CRISP1: variants seen among roughly 807,000 people sequenced by gnomAD.
CRISP1 encodes the protein cysteine-rich secretory protein 1.
CRISP1 carries 44 observed loss-of-function variants against 33.1 expected under a neutral mutation model. The observed-to-expected ratio is 1.33, with a 90% CI of 1.05 to 1.71. The LOEUF (loss-of-function observed/expected upper bound fraction) is 1.71. Among genes scored for constraint, CRISP1 ranks in the 40% most tolerant of loss-of-function variants. CRISP1 has a pLI of 0.00. For missense variants in CRISP1, 390 were observed against 301.2 expected, an observed-to-expected ratio of 1.29 and a Z score of -2.18; for synonymous variants, 103 against 98.7, an observed-to-expected ratio of 1.04 and a Z score of -0.26.
chr6:49,857,290 AT>A, intron 2 of CRISP1, 44 bp downstream of exon 2: 1 of 1,572,452 alleles, frequency 6.4e-7, no homozygotes, highest in Non-Finnish European at 8.7e-7. Context: ...GTTAGCTCTT[AT>A]CTTTATTTAG....
At chr6:49,836,335 A>AT (rs972982910) in intron 7 of CRISP1, among the ~76,000 whole-genome samples, 1 of 146,424 alleles carries the variant, frequency 6.8e-6, no homozygotes, top group Admixed American at 6.7e-5. Context: ...TTTTATTTTT[A>AT]TTTTATTTTT....
chr6:49,846,443 C>A, intron 5 of CRISP1, 77 bp downstream of exon 5: 1 of 1,413,936 alleles, frequency 7.1e-7, no homozygotes, highest in East Asian at 2.3e-5. Context: ...GAATGATTTT[C>A]AGTTGTTTCT....
intron 2 of CRISP1, among the ~76,000 whole-genome samples, chr6:49,856,220 C>A (rs767823742): frequency 3.9e-5 from 6 of 152,128 alleles, no homozygotes; most frequent in Non-Finnish European, 8.8e-5. Flanking sequence ...GGCTGTTTCC[C>A]AGAACTTGGC....
upstream of CRISP1, among the ~76,000 whole-genome samples, chr6:49,870,875 T>C (rs1771905995): frequency 6.6e-6 from 1 of 152,280 alleles, no homozygotes; most frequent in African/African-American, 2.4e-5. Flanking sequence ...GGTGGGCGGA[T>C]GACCTGAGGT....
chr6:49,846,524 G>C lies in CRISP1; in HGVS notation c.431C>G (p.Thr144Ser). 1 of 1,612,896 alleles carries C rather than the reference G, an allele frequency of 6.2e-7. No individual in the cohort carries two copies. The highest frequency in any genetic ancestry group is 8.5e-7 in the Non-Finnish European group (1 of 1,179,356). Residue 144 changes from threonine (T) to serine (S), a missense_variant, in exon 5 of 8, where the codon ACT becomes AGT. Thr to Ser is a moderately conservative substitution (Grantham distance 58). Coordinates refer to ENST00000335847, the MANE Select transcript of CRISP1 (RefSeq NM_001131.3). ...GTTTGCCAGCACACAGGTTACCTGA[G>C]TGTAGTGGTCAGTAGTTATGTCATC... The part of the protein sequence containing the change: ...TDDDITTDHY[T>S]QIVWATSYLI...
At chr6:49,851,899 G>T in intron 3 of CRISP1, 102 bp downstream of exon 3, 2 of 1,343,278 alleles carry the variant, frequency 1.5e-6, no homozygotes, top group Non-Finnish European at 2.0e-6. Context: ...TTGTTGTGAA[G>T]ATAAAACTTT....
At chr6:49,870,433 G>T (rs564588836), upstream of CRISP1, among the ~76,000 whole-genome samples, 2 of 152,166 alleles carry the variant, frequency 1.3e-5, no homozygotes, top group Non-Finnish European at 2.9e-5. Context: ...AGGAGTTATT[G>T]TAGGTTGGAA....
At chr6:49,850,563 T>A (rs1040532775) in intron 3 of CRISP1, among the ~76,000 whole-genome samples, 2 of 152,094 alleles carry the variant, frequency 1.3e-5, no homozygotes, top group Non-Finnish European at 2.9e-5. Flanking sequence ...TTCCTTAAAT[T>A]TGCTGTTGCT....
intron 3 of CRISP1, 97 bp from the exon 4 acceptor site, chr6:49,848,396 A>G (rs923909175): frequency 8.1e-5 from 50 of 613,856 alleles, no homozygotes; most frequent in Non-Finnish European, 1.3e-4. Context: ...TAATATCTTC[A>G]ATTGTATCAA....
chr6:49,854,773 A>T (rs1373835393), intron 2 of CRISP1, among the ~76,000 whole-genome samples: 2 of 152,124 alleles, frequency 1.3e-5, no homozygotes, highest in Non-Finnish European at 2.9e-5. Context: ...CTTAGGCATT[A>T]GGCAATGTCT....
chr6:49,852,869 T>C (rs1037747106), intron 2 of CRISP1, among the ~76,000 whole-genome samples: 1 of 151,936 alleles, frequency 6.6e-6, no homozygotes, highest in Non-Finnish European at 1.5e-5. Context: ...TGTGTGTGTG[T>C]GTGTGTGTGT....
At chr6:49,851,560 A>G (rs986969615) in intron 3 of CRISP1, among the ~76,000 whole-genome samples, 2 of 152,158 alleles carry the variant, frequency 1.3e-5, no homozygotes, top group African/African-American at 2.4e-5. Flanking sequence ...CCTCTGGACT[A>G]CTGCCCAATG....
intron 4 of CRISP1, among the ~76,000 whole-genome samples, chr6:49,847,569 T>C (rs973971048): frequency 3.3e-5 from 5 of 152,150 alleles, no homozygotes; most frequent in Admixed American, 6.6e-5. Flanking sequence ...CAAGTAGATG[T>C]GGGTGCCATG....
chr6:49,871,898 C>G (rs1326445971), intron 1 of CRISP1, among the ~76,000 whole-genome samples: 2 of 151,898 alleles, frequency 1.3e-5, no homozygotes, highest in Non-Finnish European at 2.9e-5. Context: ...GATTTATAAT[C>G]CTTTGGGTAT....
At chr6:49,852,236 T>G (rs1269235927) in intron 2 of CRISP1, 107 bp from the exon 3 acceptor site, 2 of 973,178 alleles carry the variant, frequency 2.1e-6, no homozygotes, top group Non-Finnish European at 3.0e-6. Flanking sequence ...TATTAAACAG[T>G]GATTTATAGC....
At chr6:49,869,416 G>A (rs989736769), upstream of CRISP1, among the ~76,000 whole-genome samples, 1 of 152,076 alleles carries the variant, frequency 6.6e-6, no homozygotes, top group Non-Finnish European at 1.5e-5. Context: ...CATAGAGTGA[G>A]AAGTCACACA....
chr6:49,863,825 G>T (rs1189325001), intron 1 of CRISP1, among the ~76,000 whole-genome samples: 2 of 152,288 alleles, frequency 1.3e-5, no homozygotes, highest in Admixed American at 1.3e-4. Flanking sequence ...ACTCTACAAA[G>T]AATTAACATG....
At chr6:49,859,039 G>A (rs1771572172) in intron 1 of CRISP1, among the ~76,000 whole-genome samples, 1 of 152,106 alleles carries the variant, frequency 6.6e-6, no homozygotes, top group Non-Finnish European at 1.5e-5. Flanking sequence ...GAAAGGGTAA[G>A]TGAGTGACCC....
At chr6:49,860,520 A>G (rs1355454915) in intron 1 of CRISP1, among the ~76,000 whole-genome samples, 2 of 152,188 alleles carry the variant, frequency 1.3e-5, no homozygotes, top group Non-Finnish European at 2.9e-5. Context: ...CTGAATGACC[A>G]CTGGGTCAAG....
Sources: gnomAD v4.1 joint callset for allele counts (sites outside exome capture counted in the v4.1 genomes callset) on GRCh38, gnomAD v4.1.1 for gene constraint, MANE v1.5 for transcripts, NCBI Gene and HGNC (gene_info 2026-07-23, HGNC 2026-07-21) for gene names.